FAM135A: variants seen among roughly 807,000 people sequenced by gnomAD.
FAM135A encodes family with sequence similarity 135 member A, also known as protein FAM135A.
FAM135A carries 79 observed loss-of-function variants against 146.8 expected under a neutral mutation model. That is an observed-to-expected ratio of 0.54 (90% CI 0.45 to 0.65). The LOEUF (loss-of-function observed/expected upper bound fraction) is 0.65, where lower values mean the gene tolerates loss of function less well. Ranked by LOEUF, FAM135A falls within the 30% of genes least tolerant of loss-of-function variation. The pLI, the probability that FAM135A is intolerant of heterozygous loss-of-function variation, is 0.00. For synonymous variants in FAM135A, 562 were observed against 603.6 expected, an observed-to-expected ratio of 0.93 and a Z score of 1.01; for missense variants, 1,623 against 1,758.2, an observed-to-expected ratio of 0.92 and a Z score of 1.38.
intron 2 of FAM135A, among the ~76,000 whole-genome samples, chr6:70,415,672 C>A (rs1353696524): frequency 6.6e-6 from 1 of 152,074 alleles, no homozygotes; most frequent in Non-Finnish European, 1.5e-5. Context: ...GGTAAACATT[C>A]ATTTTAAAAA....
Position 70,477,212 on chromosome 6 carries a change from A to C in FAM135A, c.422A>C (p.His141Pro), listed in dbSNP as rs1413910782. 2 of 1,613,610 alleles carry C rather than the reference A, an allele frequency of 1.2e-6. No homozygotes were observed. Among genetic ancestry groups the C allele is most frequent in the Non-Finnish European group, 8.5e-7 (1 of 1,179,720 alleles). ...ATAAGTAGCCGAACATTGAAGCTGC[A>C]CTTTAGCCCCCATAGAGGCCTTCAT... is the stretch of plus-strand genomic sequence containing the variant. ...QLISSRTLKLHFSPHRGLHHH... is the reference protein window; with the variant it reads ...QLISSRTLKLPFSPHRGLHHH... Residue 141 changes from histidine to proline, a missense_variant, in exon 8 of 22, where the codon CAC becomes CCC. By Grantham distance (77) the His-to-Pro change is moderately conservative. Transcript: ENST00000418814.
At chr6:70,467,569 T>G (rs994605390) in intron 5 of FAM135A, among the ~76,000 whole-genome samples, 2 of 152,104 alleles carry the variant, frequency 1.3e-5, no homozygotes, top group African/African-American at 4.8e-5. Flanking sequence ...AAGTTTTAGT[T>G]TTTTCTTCTC....
Position 70,533,873 on chromosome 6 carries a change from T to C in FAM135A, c.3965+19T>C. The C allele has an allele frequency of 2.4e-6, 3 of 1,232,880 alleles. No individual in the cohort carries two copies. Among genetic ancestry groups the C allele is most frequent in the Non-Finnish European group, 2.2e-6 (2 of 904,896 alleles). 76.4% of individuals were successfully genotyped at this position (1,232,880 alleles called of 1,614,324 possible). A position where few individuals can be genotyped will look rare whatever the true frequency, so the allele number is the denominator to read the frequency against. Reference sequence around the variant, plus strand: ...AAATAAGGTATCTTCTTTAATATTATGCAATTTATTTTTATATTTCTATGA... The same window carrying C: ...AAATAAGGTATCTTCTTTAATATTACGCAATTTATTTTTATATTTCTATGA... On this transcript the variant is annotated intron_variant, in intron 18 of 21. Coordinates refer to ENST00000418814, the MANE Select transcript of FAM135A (RefSeq NM_001162529.3).
intron 4 of FAM135A, among the ~76,000 whole-genome samples, chr6:70,439,129 G>A (rs779384886): frequency 6.6e-6 from 1 of 152,080 alleles, no homozygotes; most frequent in African/African-American, 2.4e-5. Context: ...AGCTGTGATT[G>A]CACCAGCCTA....
At chr6:70,558,601 G>A (rs986030870) in intron 21 of FAM135A, among the ~76,000 whole-genome samples, 2 of 152,088 alleles carry the variant, frequency 1.3e-5, no homozygotes, top group Non-Finnish European at 2.9e-5. Flanking sequence ...CCTGAGTCCA[G>A]GACTCTGAGA....
intron 20 of FAM135A, among the ~76,000 whole-genome samples, chr6:70,540,145 C>T (rs548301822): frequency 6.6e-6 from 1 of 152,172 alleles, no homozygotes; most frequent in Admixed American, 6.5e-5. Context: ...ATCACCATGC[C>T]TTTCTCAACT....
chr6:70,536,878 A>G (rs1378078184), intron 19 of FAM135A, among the ~76,000 whole-genome samples: 1 of 152,004 alleles, frequency 6.6e-6, no homozygotes, highest in Admixed American at 6.6e-5. Flanking sequence ...TATGAAAGTT[A>G]AGACCCTAAA....
At chr6:70,490,616 T>C (rs1035131952) in intron 10 of FAM135A, among the ~76,000 whole-genome samples, 6 of 152,032 alleles carry the variant, frequency 3.9e-5, no homozygotes, top group African/African-American at 1.4e-4. Flanking sequence ...TAAAATTAAT[T>C]TTACTTGAGC....
At chr6:70,474,723 C>T (rs1582392864) in intron 5 of FAM135A, among the ~76,000 whole-genome samples, 2 of 152,108 alleles carry the variant, frequency 1.3e-5, no homozygotes, top group South Asian at 2.1e-4. Flanking sequence ...TGATGATATG[C>T]GGAGTATTAC....
chr6:70,445,365 T>G (rs2639294), intron 4 of FAM135A, among the ~76,000 whole-genome samples: 1 of 127,484 alleles, frequency 7.8e-6, no homozygotes, highest in African/African-American at 3.6e-5. Flanking sequence ...TCTGCCGTCT[T>G]GGTCAGGGAA....
chr6:70,522,507 T>G lies in FAM135A; in HGVS notation c.1030-6T>G. On this transcript the variant is annotated splice_region_variant and splice_polypyrimidine_tract_variant and intron_variant, in intron 12 of 21. Coordinates refer to ENST00000418814, the MANE Select transcript of FAM135A (RefSeq NM_001162529.3). ...GTTATTAATACTCTCCTTTGGAATTTTTTAGGTACGCAGATTTTCTGAGGC... is the reference window on the plus strand; with the variant it reads ...GTTATTAATACTCTCCTTTGGAATTGTTTAGGTACGCAGATTTTCTGAGGC... 6.2e-7 allele frequency: 1 copy of G among 1,612,596 alleles called. No homozygotes were observed. The highest frequency in any genetic ancestry group is 8.5e-7 in the Non-Finnish European group (1 of 1,179,028).
At chr6:70,482,456 A>G (rs1280545550) in intron 10 of FAM135A, among the ~76,000 whole-genome samples, 1 of 152,176 alleles carries the variant, frequency 6.6e-6, no homozygotes, top group Non-Finnish European at 1.5e-5. Context: ...AAGCAAATGT[A>G]ATTATCTGCA....
At chr6:70,549,623 A>T (rs949681721) in intron 20 of FAM135A, among the ~76,000 whole-genome samples, 5 of 152,304 alleles carry the variant, frequency 3.3e-5, no homozygotes, top group African/African-American at 1.2e-4. Context: ...AAAAAAAAGT[A>T]TGCATACTTT....
At chr6:70,422,852 C>A (rs1193517138) in intron 2 of FAM135A, among the ~76,000 whole-genome samples, 5 of 152,196 alleles carry the variant, frequency 3.3e-5, no homozygotes, top group Middle Eastern at 6.8e-3. Flanking sequence ...ACAAAGTAGT[C>A]AGAATGTCCT....
At chr6:70,521,657 A>C (rs1793603167) in intron 12 of FAM135A, among the ~76,000 whole-genome samples, 1 of 152,210 alleles carries the variant, frequency 6.6e-6, no homozygotes, top group Non-Finnish European at 1.5e-5. Flanking sequence ...TTAGAAAATA[A>C]TTGTAGATGT....
At chr6:70,438,596 TTA>T (rs1399474282) in intron 4 of FAM135A, among the ~76,000 whole-genome samples, 2 of 152,172 alleles carry the variant, frequency 1.3e-5, no homozygotes, top group African/African-American at 4.8e-5. Flanking sequence ...CAGGTAACCC[TTA>T]TGTTATTTAA....
chr6:70,462,415 A>G (rs965872340), intron 5 of FAM135A, among the ~76,000 whole-genome samples: 3 of 152,224 alleles, frequency 2.0e-5, no homozygotes, highest in Non-Finnish European at 4.4e-5. Context: ...ATGATTAATA[A>G]TGATTTCCAT....
chr6:70,548,225 AT>A (rs1215178776), intron 20 of FAM135A, among the ~76,000 whole-genome samples: 1 of 152,224 alleles, frequency 6.6e-6, no homozygotes, highest in Non-Finnish European at 1.5e-5. Flanking sequence ...GCCATAATAT[AT>A]TTAACTAACT....
chr6:70,552,465 CTTTTTTTTTTT>C (rs35509125), intron 20 of FAM135A, among the ~76,000 whole-genome samples: 2 of 96,822 alleles, frequency 2.1e-5, no homozygotes, highest in South Asian at 3.5e-4. Context: ...GTTGAAGATT[CTTTTTTTTTTT>C]TTTTTTTTTT....
Sources: allele counts gnomAD v4.1 joint callset (sites outside exome capture counted in the v4.1 genomes callset), GRCh38; gene constraint gnomAD v4.1.1; transcripts MANE v1.5; gene names NCBI Gene and HGNC (gene_info 2026-07-23, HGNC 2026-07-21).